Variants in NRXN1 observed in about 807,000 individuals in gnomAD.
NRXN1 encodes neurexin 1.
A neutral mutation model predicts 150.9 loss-of-function variants in NRXN1; 39 were observed. That is an observed-to-expected ratio of 0.26 (90% CI 0.20 to 0.34). NRXN1 has a LOEUF of 0.34. Ranked by LOEUF, NRXN1 falls within the 10% of genes least tolerant of loss-of-function variation. The pLI, the probability that NRXN1 is intolerant of heterozygous loss-of-function variation, is 1.00. For synonymous variants in NRXN1, 924 were observed against 757.0 expected (o/e 1.22, Z -3.62); for missense variants, 1,815 against 1,949.9 (o/e 0.93, Z 1.30).
intron 5 of NRXN1, among the ~76,000 whole-genome samples, chr2:50,654,153 T>C (rs1488857308): frequency 6.9e-6 from 1 of 143,926 alleles, no homozygotes; most frequent in South Asian, 2.3e-4. Flanking sequence ...TAACATTAGG[T>C]ATATCTCCTA....
chr2:51,025,994 TC>T (rs1371755605), intron 2 of NRXN1, among the ~76,000 whole-genome samples: 1 of 151,704 alleles, frequency 6.6e-6, no homozygotes, highest in East Asian at 1.9e-4. Flanking sequence ...TACAGAAGTC[TC>T]CTAAAGACCA....
chr2:50,731,133 A>T (rs1280470555), intron 5 of NRXN1, among the ~76,000 whole-genome samples: 1 of 152,174 alleles, frequency 6.6e-6, no homozygotes, highest in African/African-American at 2.4e-5. Flanking sequence ...TTTAATAGAA[A>T]TTTTTAAGAA....
chr2:50,972,837 C>G lies in NRXN1; in HGVS notation c.773-46882G>C, dbSNP rs80187496. Among the ~76,000 whole-genome samples the G allele has an allele frequency of 6.5e-3, 996 of 152,278 alleles. 7 individuals are homozygous for G. Among genetic ancestry groups the G allele is most frequent in the African/African-American group, 0.023 (948 of 41,570 alleles). ...GAGCAATGGGGAGCGGCTGTAAATA[C>G]CTGGTTCTCTGGGGGTTGGGAACCC... On this transcript the variant is annotated intron_variant, in intron 2 of 22. Coordinates refer to ENST00000401669, the MANE Select transcript of NRXN1 (RefSeq NM_001330078.2).
At chr2:50,322,322 G>A (rs558655301) in intron 17 of NRXN1, among the ~76,000 whole-genome samples, 1 of 152,194 alleles carries the variant, frequency 6.6e-6, no homozygotes, top group Non-Finnish European at 1.5e-5. Context: ...GAAGAGTGCT[G>A]TTGTGGGGTA....
chr2:50,143,462 T>C (rs1054878121), intron 18 of NRXN1, among the ~76,000 whole-genome samples: 63 of 152,072 alleles, frequency 4.1e-4, no homozygotes, highest in African/African-American at 1.3e-3. Flanking sequence ...TAATTTATTA[T>C]GCGCTGATTT....
Position 50,347,549 on chromosome 2 carries a change from G to A in NRXN1, c.3365-110579C>T, listed in dbSNP as rs1404675861. 1.9e-6 allele frequency: 2 copies of A among 1,043,296 alleles called. No homozygotes were observed. Among genetic ancestry groups the A allele is most frequent in the East Asian group, 1.1e-4 (1 of 9,192 alleles). 64.6% of individuals were successfully genotyped at this position (1,043,296 alleles called of 1,614,324 possible). A position where few individuals can be genotyped will look rare whatever the true frequency, so the allele number is the denominator to read the frequency against. ...CTAGCGCCAGCCTCCCCCGGGCAGC[G>A]CGCGGAGCAGCGGCGCGCATCGCCT... On this transcript the variant is annotated intron_variant, in intron 17 of 22. Coordinates refer to ENST00000401669, the MANE Select transcript of NRXN1 (RefSeq NM_001330078.2). This position sits in a 1 kb window ranked among gnomAD's most constrained non-coding sequence, Gnocchi z 4.9.
At chr2:50,458,182 G>C (rs902834700) in intron 17 of NRXN1, among the ~76,000 whole-genome samples, 3 of 152,088 alleles carry the variant, frequency 2.0e-5, no homozygotes, top group Non-Finnish European at 4.4e-5. Context: ...GCCAGGCTCA[G>C]AAAGACAAAT....
intron 5 of NRXN1, among the ~76,000 whole-genome samples, chr2:50,680,049 T>C (rs2104790911): frequency 6.6e-6 from 1 of 151,840 alleles, no homozygotes; most frequent in East Asian, 1.9e-4. Flanking sequence ...GGGGATGTGC[T>C]AAGGTGGGAG....
chr2:50,575,485 C>T (rs1164140150), intron 8 of NRXN1, among the ~76,000 whole-genome samples: 1 of 152,144 alleles, frequency 6.6e-6, no homozygotes, highest in Non-Finnish European at 1.5e-5. Flanking sequence ...CTGTTCCAAT[C>T]CCGCATACCG....
In NRXN1 at chr2:50,498,252, C is replaced by T. The variant is rs910895919; in HGVS notation, c.2498-538G>A. ...GCAGCCCTTTCTTCCAGTAATGAAA[C>T]ATGAAAGTGTGTTTGAAGTTAAATA... is the stretch of plus-strand genomic sequence containing the variant. On this transcript the variant is annotated intron_variant, in intron 13 of 22. Transcript: ENST00000401669. Among the ~76,000 whole-genome samples the T allele has an allele frequency of 2.6e-5, 4 of 152,058 alleles. No individual in the cohort carries two copies. In the East Asian group the frequency reaches 5.8e-4, roughly 22 times the overall value.
At position 50,538,759 on chromosome 2, in the gene NRXN1, C is replaced by T. The variant is rs144472636; in HGVS notation, c.1760-123G>A. The T allele has an allele frequency of 1.4e-3, 1,096 of 767,354 alleles. 5 individuals are homozygous for T. The African/African-American group carries it at 0.019, about 13-fold the overall frequency. The allele number at this position is 767,354 out of a possible 1,614,324, so 47.5% of individuals were successfully genotyped here. A position where few individuals can be genotyped will look rare whatever the true frequency, so the allele number is the denominator to read the frequency against. On this transcript the variant is annotated intron_variant, in intron 9 of 22. Coordinates refer to ENST00000401669, the MANE Select transcript of NRXN1 (RefSeq NM_001330078.2). ...AGGCAGACAATTATTATTATTCTTT[C>T]TGTCCTCACTTTTTGGTATTTCCTA... is the stretch of plus-strand genomic sequence containing the variant.
At chr2:50,411,236 C>T (rs548458788) in intron 17 of NRXN1, among the ~76,000 whole-genome samples, 6 of 152,142 alleles carry the variant, frequency 3.9e-5, no homozygotes, top group African/African-American at 9.7e-5. Flanking sequence ...CCGTGTTGGC[C>T]GGGCTGGTCT....
intron 7 of NRXN1, 123 bp from the exon 8 acceptor site, chr2:50,620,306 T>C: frequency 8.8e-7 from 1 of 1,139,920 alleles, no homozygotes; most frequent in East Asian, 2.6e-5. Context: ...CTTTTTTCTT[T>C]TTTTCTGTTT....
At chr2:50,441,571 T>A (rs2104453463) in intron 17 of NRXN1, among the ~76,000 whole-genome samples, 1 of 152,048 alleles carries the variant, frequency 6.6e-6, no homozygotes, top group East Asian at 1.9e-4. Context: ...TTCCCAAGAG[T>A]CTAATAGGAA....
At chr2:50,372,518 T>C (rs1211214986) in intron 17 of NRXN1, among the ~76,000 whole-genome samples, 1 of 152,070 alleles carries the variant, frequency 6.6e-6, no homozygotes, top group Non-Finnish European at 1.5e-5. Flanking sequence ...CACTTTTATT[T>C]AGATGAATAA....
chr2:50,106,704 C>G (rs1002494773), intron 18 of NRXN1, among the ~76,000 whole-genome samples: 1 of 151,780 alleles, frequency 6.6e-6, no homozygotes, highest in African/African-American at 2.4e-5. Context: ...CTACTTTAAT[C>G]AGCTGTCTCA....
chr2:50,868,206 A>G (rs1475538502), intron 5 of NRXN1, among the ~76,000 whole-genome samples: 2 of 136,812 alleles, frequency 1.5e-5, no homozygotes, highest in African/African-American at 5.3e-5. Flanking sequence ...CACACACAGG[A>G]ATACTATGCA....
At chr2:50,986,698 A>G (rs538726053) in intron 2 of NRXN1, among the ~76,000 whole-genome samples, 178 of 150,124 alleles carry the variant, frequency 1.2e-3, no homozygotes, top group African/African-American at 4.2e-3. Context: ...ACTTTTTATT[A>G]GCATATAAGC....
intron 18 of NRXN1, among the ~76,000 whole-genome samples, chr2:50,122,683 G>T (rs1490196213): frequency 6.6e-6 from 1 of 152,194 alleles, no homozygotes; most frequent in Admixed American, 6.5e-5. Context: ...AGCTCCCAGA[G>T]GTAGCATCCA....
Sources: allele counts gnomAD v4.1 joint callset (sites outside exome capture counted in the v4.1 genomes callset), GRCh38; gene constraint gnomAD v4.1.1; non-coding constraint Gnocchi (gnomAD v3.1); transcripts MANE v1.5; gene names NCBI Gene and HGNC (gene_info 2026-07-23, HGNC 2026-07-21).